Variants in FABP6 observed in about 807,000 individuals in gnomAD.
The protein encoded by FABP6 is fatty acid binding protein 6.
In FABP6, 13 loss-of-function variants were observed where a neutral mutation model predicts 14.9. The ratio of observed to expected loss-of-function variants is 0.87; its 90% confidence interval spans 0.57 to 1.39. The LOEUF is 1.39. FABP6 is among the 40% of genes most tolerant of loss of function. FABP6 has a pLI of 0.00. For synonymous variants in FABP6, 75 were observed against 63.6 expected, an observed-to-expected ratio of 1.18 and a Z score of -0.85; for missense variants, 161 against 167.2, an observed-to-expected ratio of 0.96 and a Z score of 0.20.
chr5:160,217,353 T>A (rs1002676388), intron 3 of FABP6, among the ~76,000 whole-genome samples: 2 of 152,148 alleles, frequency 1.3e-5, no homozygotes, highest in Non-Finnish European at 2.9e-5. Context: ...TTTAAAGCTA[T>A]TGGCTGGATG....
At chr5:160,193,435 C>T (rs931969160) in intron 1 of FABP6, among the ~76,000 whole-genome samples, 3 of 152,026 alleles carry the variant, frequency 2.0e-5, no homozygotes, top group African/African-American at 7.3e-5. Context: ...GGAAGGGGAC[C>T]CGAGCGGGTT....
At chr5:160,224,019 G>C (rs752097534) in intron 3 of FABP6, among the ~76,000 whole-genome samples, 13 of 151,650 alleles carry the variant, frequency 8.6e-5, no homozygotes, top group Non-Finnish European at 1.6e-4. Context: ...GGCAGATCAC[G>C]AGGTCAGAAG....
intron 3 of FABP6, among the ~76,000 whole-genome samples, chr5:160,220,816 C>T (rs767543383): frequency 4.0e-5 from 6 of 151,310 alleles, no homozygotes; most frequent in African/African-American, 4.9e-5. Flanking sequence ...GACCGGGCGC[C>T]GTGGCTCACG....
intron 1 of FABP6, among the ~76,000 whole-genome samples, chr5:160,193,520 G>A (rs4451087): frequency 2.0e-5 from 3 of 152,020 alleles, no homozygotes; most frequent in Non-Finnish European, 4.4e-5. Context: ...TGGTAGAGCC[G>A]AGTGGCCTGT....
intron 1 of FABP6, among the ~76,000 whole-genome samples, chr5:160,231,653 C>G (rs1437729309): frequency 6.6e-6 from 1 of 152,178 alleles, no homozygotes; most frequent in Non-Finnish European, 1.5e-5. Flanking sequence ...GCCTCGGGCC[C>G]TCAAGGAGCT....
intron 3 of FABP6, among the ~76,000 whole-genome samples, chr5:160,219,408 C>A (rs539560696): frequency 6.6e-6 from 1 of 152,276 alleles, no homozygotes; most frequent in East Asian, 1.9e-4. Context: ...GGTTCTATTG[C>A]CTCATAAAAC....
chr5:160,209,256 C>G (rs1759834381), intron 2 of FABP6, among the ~76,000 whole-genome samples: 1 of 152,042 alleles, frequency 6.6e-6, no homozygotes, highest in African/African-American at 2.4e-5. Flanking sequence ...GTGGCTCATG[C>G]CTATAATCCC....
intron 3 of FABP6, among the ~76,000 whole-genome samples, chr5:160,223,963 G>A (rs1377671755): frequency 2.0e-5 from 3 of 149,750 alleles, no homozygotes; most frequent in South Asian, 2.1e-4. Flanking sequence ...TTGGCCGGGC[G>A]CAGTGGCTCG....
intron 3 of FABP6, among the ~76,000 whole-genome samples, chr5:160,220,810 G>T (rs542747509): frequency 6.6e-6 from 1 of 151,774 alleles, no homozygotes; most frequent in East Asian, 1.9e-4. Context: ...AGGACAGACC[G>T]GGCGCCGTGG....
At chr5:160,233,493 C>T (rs563657056) in intron 2 of FABP6, among the ~76,000 whole-genome samples, 1 of 152,314 alleles carries the variant, frequency 6.6e-6, no homozygotes, top group Non-Finnish European at 1.5e-5. Flanking sequence ...GAAGATTAAA[C>T]AAGACAGTGC....
chr5:160,200,939 C>T (rs868229076), intron 2 of FABP6, among the ~76,000 whole-genome samples: 2 of 152,286 alleles, frequency 1.3e-5, no homozygotes, highest in Middle Eastern at 3.4e-3. Flanking sequence ...GTCTGGCAAT[C>T]CTCTGACCCA....
At chr5:160,219,026 C>A (rs1261380138) in intron 3 of FABP6, among the ~76,000 whole-genome samples, 1 of 152,194 alleles carries the variant, frequency 6.6e-6, no homozygotes, top group East Asian at 1.9e-4. Flanking sequence ...GAAGTATCAT[C>A]ATGGGAAAAT....
upstream of FABP6, among the ~76,000 whole-genome samples, chr5:160,227,532 A>T (rs1392662899): frequency 1.4e-5 from 2 of 146,314 alleles, no homozygotes; most frequent in African/African-American, 5.5e-5. Flanking sequence ...CTTCAAAAAA[A>T]AAAAAAAAAA....
chr5:160,232,021 G>T, intron 1 of FABP6, 77 bp from the exon 2 acceptor site: 5 of 1,527,838 alleles, frequency 3.3e-6, no homozygotes, highest in Non-Finnish European at 4.4e-6. Context: ...GGTGGGGGTG[G>T]GCAGGAAAGC....
intron 2 of FABP6, among the ~76,000 whole-genome samples, chr5:160,211,040 C>T (rs879671364): frequency 6.6e-5 from 10 of 152,288 alleles, no homozygotes; most frequent in Non-Finnish European, 1.2e-4. Flanking sequence ...ATTGCTTGGA[C>T]GTTGTTAGAC....
At chr5:160,223,991 C>T (rs1760191332) in intron 3 of FABP6, among the ~76,000 whole-genome samples, 2 of 150,920 alleles carry the variant, frequency 1.3e-5, no homozygotes, top group Admixed American at 1.3e-4. Flanking sequence ...AATCCCAGCA[C>T]TTTGGGAGGC....
chr5:160,215,486 CT>C, intron 3 of FABP6, among the ~76,000 whole-genome samples: 1 of 150,738 alleles, frequency 6.6e-6, no homozygotes, highest in Non-Finnish European at 1.5e-5. Flanking sequence ...GCACTCCAGC[CT>C]GGGTAAAAAG....
chr5:160,190,888 G>A (rs189792184), intron 1 of FABP6, among the ~76,000 whole-genome samples: 6 of 151,780 alleles, frequency 4.0e-5, no homozygotes, highest in Non-Finnish European at 8.8e-5. Flanking sequence ...CGAGGCGGGC[G>A]GATCATGAAG....
At chr5:160,219,935 AC>A (rs1006330780) in intron 3 of FABP6, among the ~76,000 whole-genome samples, 1 of 152,122 alleles carries the variant, frequency 6.6e-6, no homozygotes, top group African/African-American at 2.4e-5. Flanking sequence ...CTCCCTTCCT[AC>A]ATCCCCAGTA....
Sources: allele counts gnomAD v4.1 joint callset (sites outside exome capture counted in the v4.1 genomes callset), GRCh38; gene constraint gnomAD v4.1.1; transcripts MANE v1.5; gene names NCBI Gene and HGNC (gene_info 2026-07-23, HGNC 2026-07-21).